The following ELK4 variants were observed in gnomAD, a reference collection of about 807,000 sequenced individuals.
The protein encoded by ELK4 is ETS domain-containing protein Elk-4.
A neutral mutation model predicts 29.6 loss-of-function variants in ELK4; 16 were observed. That is an observed-to-expected ratio of 0.54 (90% CI 0.37 to 0.82). ELK4 has a LOEUF of 0.82. Ranked by LOEUF, ELK4 falls within the 40% of genes least tolerant of loss-of-function variation. The pLI is 0.00. For synonymous variants in ELK4, 213 were observed against 191.1 expected (o/e 1.11, Z -0.95); for missense variants, 465 against 507.1 (o/e 0.92, Z 0.80).
chr1:205,628,148 C>T (rs1224036188), intron 1 of ELK4, among the ~76,000 whole-genome samples: 12 of 152,212 alleles, frequency 7.9e-5, no homozygotes, highest in Non-Finnish European at 2.9e-5. Flanking sequence ...AATCGGTTCC[C>T]CATAGCCTCA....
rs1246552854 is a variant in ELK4 at position 205,610,381 on chromosome 1, C to T, written c.*6165G>A. 2 of 231,112 alleles carry T rather than the reference C, an allele frequency of 8.7e-6. No homozygotes were observed. Among genetic ancestry groups the T allele is most frequent in the African/African-American group, 2.2e-5 (1 of 45,240 alleles). 14.3% of individuals were successfully genotyped at this position (231,112 alleles called of 1,614,324 possible). A position where few individuals can be genotyped will look rare whatever the true frequency, so the allele number is the denominator to read the frequency against. ...ATTAGGCCACAATACCAGCATTCCT[C>T]CACTACTGTATTCAATCCATGGTCG... is the stretch of plus-strand genomic sequence containing the variant. On this transcript the variant is annotated 3_prime_UTR_variant, in exon 5 of 5. Coordinates refer to ENST00000357992, the MANE Select transcript of ELK4 (RefSeq NM_001973.4).
Position 205,613,792 on chromosome 1 carries a change from T to C in ELK4, c.*2754A>G. The C allele has an allele frequency of 5.1e-6, 1 of 196,162 alleles. No homozygotes were observed. The highest frequency in any genetic ancestry group is 1.0e-5 in the Non-Finnish European group (1 of 95,342). The allele number at this position is 196,162 out of a possible 1,614,324, so 12.2% of individuals were successfully genotyped here. A position where few individuals can be genotyped will look rare whatever the true frequency, so the allele number is the denominator to read the frequency against. Reference sequence around the variant, plus strand: ...TGTCTCAAAACCCCATTCAATCTGCTCCCCTTCCGTAACTTAGGCTACTGC... The same window carrying C: ...TGTCTCAAAACCCCATTCAATCTGCCCCCCTTCCGTAACTTAGGCTACTGC... On this transcript the variant is annotated 3_prime_UTR_variant, in exon 5 of 5. Coordinates refer to ENST00000357992, the MANE Select transcript of ELK4 (RefSeq NM_001973.4).
In ELK4 at chr1:205,613,663, T is replaced by TCC. The variant is rs566957196; in HGVS notation, c.*2881_*2882dup. On this transcript the variant is annotated 3_prime_UTR_variant, in exon 5 of 5. Transcript: ENST00000357992. ...GCAGCAAATGCTACAAATTCAGCGC[T>TCC]CCCCCCCACCCCCACCCCAGAGATC... The TCC allele has an allele frequency of 1.2e-5, 2 of 165,300 alleles. No homozygotes were observed. Among genetic ancestry groups the TCC allele is most frequent in the Non-Finnish European group, 1.3e-5 (1 of 78,556 alleles). The allele number at this position is 165,300 out of a possible 1,614,324, so 10.2% of individuals were successfully genotyped here.
chr1:205,613,825 C>G lies in ELK4; in HGVS notation c.*2721G>C, dbSNP rs896609049. Reference sequence around the variant, plus strand: ...CGTAACTTAGGCTACTGCTGCCCAACAGCATTCATCCTGGCAAAGTGACTA... The same window carrying G: ...CGTAACTTAGGCTACTGCTGCCCAAGAGCATTCATCCTGGCAAAGTGACTA... On this transcript the variant is annotated 3_prime_UTR_variant, in exon 5 of 5. Coordinates refer to ENST00000357992, the MANE Select transcript of ELK4 (RefSeq NM_001973.4). The G allele has an allele frequency of 9.4e-6, 2 of 212,758 alleles. No homozygotes were observed. Among genetic ancestry groups the G allele is most frequent in the African/African-American group, 4.5e-5 (2 of 44,206 alleles). The allele number at this position is 212,758 out of a possible 1,614,324, so 13.2% of individuals were successfully genotyped here. A position where few individuals can be genotyped will look rare whatever the true frequency, so the allele number is the denominator to read the frequency against.
Position 205,620,468 on chromosome 1 carries a change from G to T in ELK4, c.578C>A (p.Thr193Lys). ...AACCGGTGGCTTTTTGGAAGGTGTC[G>T]TGACAAATTTGATGACAGATGGTGT... Reference protein sequence around the residue: ...EPTPSVIKFVTTPSKKPPVEP... With the variant: ...EPTPSVIKFVKTPSKKPPVEP... The change falls in exon 3 of 5, where the codon ACG (threonine) becomes AAG (lysine). Residue 193 changes from threonine to lysine, a missense_variant. Transcript: ENST00000357992. 2 of 1,614,144 alleles carry T rather than the reference G, an allele frequency of 1.2e-6. No individual in the cohort carries two copies. The highest frequency in any genetic ancestry group is 2.2e-5 in the South Asian group (2 of 91,070).
rs980347844 is a variant in ELK4, at chr1:205,608,583, G to A, written c.*7963C>T. 1.0e-5 allele frequency: 2 copies of A among 194,924 alleles called. No homozygotes were observed. Among genetic ancestry groups the A allele is most frequent in the African/African-American group, 4.6e-5 (2 of 43,164 alleles). The allele number at this position is 194,924 out of a possible 1,614,324, so 12.1% of individuals were successfully genotyped here. A position where few individuals can be genotyped will look rare whatever the true frequency, so the allele number is the denominator to read the frequency against. On this transcript the variant is annotated 3_prime_UTR_variant, in exon 5 of 5. Coordinates refer to ENST00000357992, the MANE Select transcript of ELK4 (RefSeq NM_001973.4). ...TTTAGGAAAAAGAAAAAAAAAAGGT[G>A]CTTTTAATACTTTGAAGGTGCTTTT...
At chr1:205,627,695 C>T (rs2102385863) in intron 1 of ELK4, among the ~76,000 whole-genome samples, 1 of 152,284 alleles carries the variant, frequency 6.6e-6, no homozygotes, top group East Asian at 1.9e-4. Context: ...ATTCTAACAA[C>T]ATTTAACTCA....
Position 205,611,031 on chromosome 1 carries a change from TCAA to T in ELK4, c.*5512_*5514del, listed in dbSNP as rs1670143411. The T allele has an allele frequency of 4.5e-6, 1 of 220,450 alleles. No homozygotes were observed. Among genetic ancestry groups the T allele is most frequent in the African/African-American group, 2.2e-5 (1 of 44,660 alleles). 13.7% of individuals were successfully genotyped at this position (220,450 alleles called of 1,614,324 possible). On this transcript the variant is annotated 3_prime_UTR_variant, in exon 5 of 5. Transcript: ENST00000357992. ...GTTAAAAGTTTCCTTTAAAATTATG[TCAA>T]CAACAGCATGAATTTCCTGTTTTCT... is the stretch of plus-strand genomic sequence containing the variant.
At chr1:205,625,013 T>C (rs1378506723) in intron 1 of ELK4, among the ~76,000 whole-genome samples, 1 of 152,210 alleles carries the variant, frequency 6.6e-6, no homozygotes. Flanking sequence ...AATCTTATGA[T>C]TGAATACTTC....
chr1:205,622,072 G>C (rs1235583733), intron 2 of ELK4, among the ~76,000 whole-genome samples: 10 of 151,986 alleles, frequency 6.6e-5, no homozygotes, highest in Admixed American at 5.2e-4. Context: ...AAATTAGCCA[G>C]GTGTGGTGGT....
rs751371093 is a variant in ELK4, at chr1:205,616,048, C to T, written c.*498G>A. ...AGGAATGATTCTTCTTCTTCCACTG[C>T]TTAGGAACAGCTCACTTTAAGTCAT... On this transcript the variant is annotated 3_prime_UTR_variant, in exon 5 of 5. Coordinates refer to ENST00000357992, the MANE Select transcript of ELK4 (RefSeq NM_001973.4). 3.1e-5 allele frequency: 7 copies of T among 226,902 alleles called. No individual in the cohort carries two copies. Among genetic ancestry groups the T allele is most frequent in the Non-Finnish European group, 6.2e-5 (7 of 113,714 alleles). The allele number at this position is 226,902 out of a possible 1,614,324, so 14.1% of individuals were successfully genotyped here.
chr1:205,623,032 C>T (rs1670379194), intron 2 of ELK4, among the ~76,000 whole-genome samples: 3 of 151,566 alleles, frequency 2.0e-5, no homozygotes, highest in Non-Finnish European at 4.4e-5. Context: ...GTGGTGGCCA[C>T]CTGTAATCCC....
intron 3 of ELK4, chr1:205,619,431 C>G: frequency 9.4e-7 from 1 of 1,059,856 alleles, no homozygotes. Flanking sequence ...AACCTGAATT[C>G]AGGTACAGAG....
chr1:205,625,055 C>G (rs897060329), intron 1 of ELK4, among the ~76,000 whole-genome samples: 1 of 151,842 alleles, frequency 6.6e-6, no homozygotes, highest in Non-Finnish European at 1.5e-5. Context: ...AACAAAAAAC[C>G]TTCCTTTCTC....
In ELK4 at chr1:205,625,365, C is replaced by A. The variant is rs752044367; in HGVS notation, c.-9-1474G>T. On this transcript the variant is annotated intron_variant, in intron 1 of 4. Coordinates refer to ENST00000357992, the MANE Select transcript of ELK4 (RefSeq NM_001973.4). ...GATATACAAATAGCCAATAAACACA[C>A]GAAAAAATGCTCTACATTGGCTGAA... The A allele has an allele frequency of 7.7e-6, 3 of 390,996 alleles. No individual in the cohort carries two copies. The East Asian group carries it at 1.3e-4, about 17-fold the overall frequency. 24.2% of individuals were successfully genotyped at this position (390,996 alleles called of 1,614,324 possible). A position where few individuals can be genotyped will look rare whatever the true frequency, so the allele number is the denominator to read the frequency against.
At chr1:205,626,880 C>G (rs1670475813) in intron 1 of ELK4, among the ~76,000 whole-genome samples, 1 of 152,114 alleles carries the variant, frequency 6.6e-6, no homozygotes, top group African/African-American at 2.4e-5. Flanking sequence ...TTCATAACAT[C>G]TAAAAAGTAG....
intron 1 of ELK4, among the ~76,000 whole-genome samples, chr1:205,624,582 T>C (rs562184826): frequency 4.1e-4 from 63 of 152,362 alleles, no homozygotes; most frequent in African/African-American, 1.4e-3. Context: ...GCAATCTTTA[T>C]GTGATTATCA....
rs1670167568 is a variant in ELK4 at position 205,612,529 on chromosome 1, ACT to A, written c.*4015_*4016del. 2.3e-5 allele frequency: 5 copies of A among 213,576 alleles called. No homozygotes were observed. The East Asian group carries it at 3.5e-4, about 15-fold the overall frequency. The allele number at this position is 213,576 out of a possible 1,614,324, so 13.2% of individuals were successfully genotyped here. A position where few individuals can be genotyped will look rare whatever the true frequency, so the allele number is the denominator to read the frequency against. On this transcript the variant is annotated 3_prime_UTR_variant, in exon 5 of 5. Coordinates refer to ENST00000357992, the MANE Select transcript of ELK4 (RefSeq NM_001973.4). ...ATAGGGAAAGTTTTTATGTTCAATA[ACT>A]CTTACTGATCAATTTGTGTGTTCAA...
chr1:205,628,854 TAGA>T (rs1670516557), intron 1 of ELK4, among the ~76,000 whole-genome samples: 1 of 139,586 alleles, frequency 7.2e-6, no homozygotes, highest in East Asian at 2.1e-4. Context: ...GTGTCTACGA[TAGA>T]AGGTTGAGGA....
Sources: allele counts gnomAD v4.1 joint callset (sites outside exome capture counted in the v4.1 genomes callset), GRCh38; gene constraint gnomAD v4.1.1; transcripts MANE v1.5; gene names NCBI Gene and HGNC (gene_info 2026-07-23, HGNC 2026-07-21).